The following PTPRM variants were observed in gnomAD, a reference collection of about 807,000 sequenced individuals.
PTPRM encodes the protein protein tyrosine phosphatase receptor type M.
Under a neutral mutation model 186.7 loss-of-function variants are expected in PTPRM, and 47 were observed. The ratio of observed to expected loss-of-function variants is 0.25; its 90% CI spans 0.20 to 0.32. The LOEUF (loss-of-function observed/expected upper bound fraction) is 0.32, where lower values mean the gene tolerates loss of function less well. Ranked by LOEUF, PTPRM falls within the 10% of genes least tolerant of loss-of-function variation. PTPRM has a pLI of 1.00. For missense variants in PTPRM, 1,494 were observed against 1,865.0 expected (o/e 0.80, Z 3.66); for synonymous variants, 668 against 674.9 (o/e 0.99, Z 0.16).
At chr18:7,611,940 C>A (rs919944813) in intron 1 of PTPRM, among the ~76,000 whole-genome samples, 1 of 152,288 alleles carries the variant, frequency 6.6e-6, no homozygotes, top group Non-Finnish European at 1.5e-5. Flanking sequence ...CAGACTGATA[C>A]AAGGCTCTAC....
chr18:7,616,771 C>T (rs1405198934), intron 1 of PTPRM, among the ~76,000 whole-genome samples: 1 of 152,172 alleles, frequency 6.6e-6, no homozygotes, highest in Non-Finnish European at 1.5e-5. Context: ...CCTCTGGTCC[C>T]CATCCTGCCT....
At chr18:7,702,846 A>T (rs546568443) in intron 1 of PTPRM, among the ~76,000 whole-genome samples, 6 of 152,300 alleles carry the variant, frequency 3.9e-5, no homozygotes, top group South Asian at 4.1e-4. Flanking sequence ...TTATGTCTTT[A>T]ATCCACCTTG....
rs1203294863 is a variant in PTPRM, at chr18:7,845,101, A to G, written c.197-43005A>G. 2.6e-5 allele frequency among the ~76,000 whole-genome samples: 4 copies of G among 152,194 alleles called. No homozygotes were observed. The East Asian group carries it at 7.7e-4, about 29-fold the overall frequency. ...ATCTGAATGAACAGTTCTCTGAGGC[A>G]CTGACTTAACACGTTTCTGAGATTT... On this transcript the variant is annotated intron_variant, in intron 2 of 32. Transcript: ENST00000580170.
At chr18:8,046,123 G>A (rs2087034980) in intron 7 of PTPRM, among the ~76,000 whole-genome samples, 1 of 152,008 alleles carries the variant, frequency 6.6e-6, no homozygotes, top group South Asian at 2.1e-4. Context: ...TTCCCTTCTG[G>A]CACTTATTGT....
intron 9 of PTPRM, among the ~76,000 whole-genome samples, chr18:8,079,609 A>G (rs1431280175): frequency 1.3e-5 from 2 of 152,262 alleles, no homozygotes; most frequent in Middle Eastern, 3.4e-3. Context: ...AGAATAAAAT[A>G]CCATATGAGA....
At chr18:7,821,147 C>A (rs1175076784) in intron 2 of PTPRM, among the ~76,000 whole-genome samples, 1 of 152,126 alleles carries the variant, frequency 6.6e-6, no homozygotes, top group Non-Finnish European at 1.5e-5. Flanking sequence ...CACTCTCAGC[C>A]CCAGGACGTT....
intron 7 of PTPRM, among the ~76,000 whole-genome samples, chr18:7,966,641 T>A (rs1046904650): frequency 4.0e-5 from 6 of 148,476 alleles, no homozygotes; most frequent in Non-Finnish European, 9.0e-5. Flanking sequence ...TTGCCTCACC[T>A]GGGAAGCGCA....
At chr18:8,362,067 C>A (rs1191540236) in intron 23 of PTPRM, among the ~76,000 whole-genome samples, 1 of 152,124 alleles carries the variant, frequency 6.6e-6, no homozygotes, top group African/African-American at 2.4e-5. Context: ...TGCCTGTTAT[C>A]CTGCCACCCC....
intron 7 of PTPRM, among the ~76,000 whole-genome samples, chr18:8,011,569 T>TA (rs2084529958): frequency 6.6e-6 from 1 of 152,246 alleles, no homozygotes; most frequent in Middle Eastern, 3.2e-3. Flanking sequence ...CAAACTGTTG[T>TA]AGCCTAGAGG....
intron 7 of PTPRM, among the ~76,000 whole-genome samples, chr18:7,972,323 AG>A (rs1281403732): frequency 1.6e-5 from 1 of 63,188 alleles, no homozygotes; most frequent in Admixed American, 1.8e-4. Context: ...GGGTAGGGGG[AG>A]GGGGGAGGGA....
chr18:7,798,818 A>C (rs2043805385), intron 2 of PTPRM, among the ~76,000 whole-genome samples: 1 of 152,182 alleles, frequency 6.6e-6, no homozygotes, highest in Admixed American at 6.5e-5. Flanking sequence ...AAAGACGATT[A>C]TTCTCTGTTC....
intron 6 of PTPRM, among the ~76,000 whole-genome samples, chr18:7,949,564 G>A (rs1384333042): frequency 1.3e-5 from 2 of 152,142 alleles, no homozygotes; most frequent in Non-Finnish European, 2.9e-5. Context: ...TGTTGATTTA[G>A]TTGCACAAAA....
At chr18:7,630,451 G>A (rs1278654808) in intron 1 of PTPRM, among the ~76,000 whole-genome samples, 2 of 152,134 alleles carry the variant, frequency 1.3e-5, no homozygotes, top group African/African-American at 4.8e-5. Flanking sequence ...CAGGGAGTTG[G>A]GGTGAGGACC....
chr18:7,780,805 G>A (rs2042819361), intron 2 of PTPRM, among the ~76,000 whole-genome samples: 1 of 152,094 alleles, frequency 6.6e-6, no homozygotes, highest in African/African-American at 2.4e-5. Flanking sequence ...TGCAGACAGG[G>A]ACAGCTTTTC....
At chr18:8,024,425 A>C (rs986065526) in intron 7 of PTPRM, among the ~76,000 whole-genome samples, 4 of 152,120 alleles carry the variant, frequency 2.6e-5, no homozygotes, top group Non-Finnish European at 5.9e-5. Context: ...CTGTGAATTG[A>C]GAATATAGTG....
intron 7 of PTPRM, among the ~76,000 whole-genome samples, chr18:8,057,425 C>CTTTTTTTTTTTTTTTTTTTTTTTCTTT (rs763829289): frequency 9.8e-6 from 1 of 102,562 alleles, no homozygotes; most frequent in Non-Finnish European, 1.9e-5. Flanking sequence ...TGTGATACTT[C>CTTTTTTTTTTTTTTTTTTTTTTTCTTT]TTTTTTTTTT....
At chr18:8,169,188 C>A (rs1568457060) in intron 14 of PTPRM, among the ~76,000 whole-genome samples, 1 of 152,068 alleles carries the variant, frequency 6.6e-6, no homozygotes, top group Non-Finnish European at 1.5e-5. Flanking sequence ...CAAGAAGAGA[C>A]CCGAGTCCTA....
intron 1 of PTPRM, among the ~76,000 whole-genome samples, chr18:7,617,433 C>T (rs2037832288): frequency 6.6e-6 from 1 of 152,082 alleles, no homozygotes; most frequent in South Asian, 2.1e-4. Context: ...ACACCTTTCT[C>T]CTCTGTTAAT....
At chr18:8,056,190 A>G (rs890302906) in intron 7 of PTPRM, among the ~76,000 whole-genome samples, 1 of 152,234 alleles carries the variant, frequency 6.6e-6, no homozygotes, top group African/African-American at 2.4e-5. Flanking sequence ...ACACAATAAT[A>G]ATATGATATA....
Sources: gnomAD v4.1 joint callset for allele counts (sites outside exome capture counted in the v4.1 genomes callset) on GRCh38, gnomAD v4.1.1 for gene constraint, MANE v1.5 for transcripts, NCBI Gene and HGNC (gene_info 2026-07-23, HGNC 2026-07-21) for gene names.